ME1: variants seen among roughly 807,000 people sequenced by gnomAD.
The protein encoded by ME1 is malic enzyme 1, also known as NADP-dependent malic enzyme.
Under a neutral mutation model 66.4 loss-of-function variants are expected in ME1, and 74 were observed. The ratio of observed to expected loss-of-function variants is 1.11; its 90% CI spans 0.92 to 1.35. The LOEUF (loss-of-function observed/expected upper bound fraction) is 1.35, where lower values mean the gene tolerates loss of function less well. Ranked by LOEUF, ME1 falls within the 40% of genes most tolerant of loss-of-function variation. The pLI is 0.00. For missense variants in ME1, 750 were observed against 694.1 expected (o/e 1.08, Z -0.90); for synonymous variants, 251 against 235.6 (o/e 1.07, Z -0.60).
In ME1 at chr6:83,211,787, C is replaced by T; in HGVS notation, c.*137G>A. On this transcript the variant is annotated 3_prime_UTR_variant, in exon 14 of 14. Transcript: ENST00000369705. ...GTTTATCCCAATTTATATCGATATT[C>T]TTCTATCAATTTTTAGACTGTTAAA... 2 of 558,118 alleles carry T rather than the reference C, an allele frequency of 3.6e-6. No homozygotes were observed. The highest frequency in any genetic ancestry group is 5.6e-6 in the Non-Finnish European group (2 of 354,884). The allele number at this position is 558,118 out of a possible 1,614,324, so 34.6% of individuals were successfully genotyped here.
intron 1 of ME1, among the ~76,000 whole-genome samples, chr6:83,420,399 G>T (rs1002715088): frequency 1.7e-4 from 26 of 152,148 alleles, no homozygotes; most frequent in Admixed American, 1.4e-3. Flanking sequence ...TACATACTCA[G>T]TTAGGACCAT....
At chr6:83,246,859 CATT>C (rs1452789979) in intron 7 of ME1, among the ~76,000 whole-genome samples, 18 of 152,052 alleles carry the variant, frequency 1.2e-4, no homozygotes, top group Non-Finnish European at 2.2e-4. Context: ...CTAAAAGCAT[CATT>C]AACAGTTGGG....
intron 3 of ME1, among the ~76,000 whole-genome samples, chr6:83,389,896 G>A (rs184819075): frequency 3.4e-4 from 52 of 152,086 alleles, no homozygotes; most frequent in African/African-American, 1.2e-3. Context: ...AATTCTGCAA[G>A]AATTAAAATG....
chr6:83,310,905 C>T (rs909419612), intron 6 of ME1, among the ~76,000 whole-genome samples: 1 of 152,132 alleles, frequency 6.6e-6, no homozygotes, highest in Non-Finnish European at 1.5e-5. Context: ...AGCTCCCAAA[C>T]TCAAGGAAAG....
At chr6:83,274,247 G>C (rs967151906) in intron 6 of ME1, among the ~76,000 whole-genome samples, 2 of 152,078 alleles carry the variant, frequency 1.3e-5, no homozygotes, top group Non-Finnish European at 2.9e-5. Flanking sequence ...CATGTATCTT[G>C]GGTCATGATA....
At chr6:83,384,860 A>G (rs896732899) in intron 3 of ME1, among the ~76,000 whole-genome samples, 1 of 151,938 alleles carries the variant, frequency 6.6e-6, no homozygotes, top group Non-Finnish European at 1.5e-5. Flanking sequence ...CAGTTATCCT[A>G]GCACCATTTA....
intron 6 of ME1, among the ~76,000 whole-genome samples, chr6:83,274,424 C>G (rs75216709): frequency 0.01 from 1,583 of 152,124 alleles, 27 homozygotes; most frequent in African/African-American, 0.035. Context: ...TCTCTTTATG[C>G]AAACACATAA....
chr6:83,394,791 ATG>A (rs1348488166), intron 3 of ME1, among the ~76,000 whole-genome samples: 1 of 152,178 alleles, frequency 6.6e-6, no homozygotes, highest in Non-Finnish European at 1.5e-5. Context: ...AAGTATTAAT[ATG>A]TATTTATTTC....
intron 10 of ME1, among the ~76,000 whole-genome samples, chr6:83,227,938 C>T (rs1219710885): frequency 6.6e-6 from 1 of 152,056 alleles, no homozygotes; most frequent in East Asian, 1.9e-4. Flanking sequence ...AAGAATAAAG[C>T]AATTAGCATA....
intron 9 of ME1, among the ~76,000 whole-genome samples, chr6:83,235,331 T>G (rs1290050003): frequency 5.9e-5 from 9 of 152,178 alleles, no homozygotes; most frequent in Admixed American, 4.6e-4. Flanking sequence ...AGGGCTTTAT[T>G]GAATCCCCAG....
At chr6:83,364,737 CATCT>C (rs67402469) in intron 3 of ME1, among the ~76,000 whole-genome samples, 11,769 of 151,994 alleles carry the variant, frequency 0.077, 813 homozygotes, top group African/African-American at 0.18. Context: ...ATCTATCTGT[CATCT>C]ATCTATCTAT....
intron 3 of ME1, among the ~76,000 whole-genome samples, chr6:83,387,216 C>T (rs1049759559): frequency 2.0e-5 from 3 of 151,734 alleles, no homozygotes; most frequent in African/African-American, 7.3e-5. Context: ...TGAAAAAAGC[C>T]AGGTAGATTT....
chr6:83,286,828 T>C (rs1767405867), intron 6 of ME1, among the ~76,000 whole-genome samples: 1 of 152,166 alleles, frequency 6.6e-6, no homozygotes. Flanking sequence ...CACAGTACTC[T>C]ATGACTATAA....
intron 9 of ME1, among the ~76,000 whole-genome samples, chr6:83,234,382 G>A (rs1790358100): frequency 6.6e-6 from 1 of 151,984 alleles, no homozygotes; most frequent in Non-Finnish European, 1.5e-5. Flanking sequence ...TATCAGTCCC[G>A]TATCTCCAAC....
intron 3 of ME1, among the ~76,000 whole-genome samples, chr6:83,357,935 C>CTATATATATATATATA (rs60624497): frequency 1.7e-4 from 5 of 30,030 alleles, no homozygotes; most frequent in South Asian, 1.7e-3. Context: ...CTCTCTCTCT[C>CTATATATATATATATA]TATATATATA....
rs183233836 is a variant in ME1, at chr6:83,329,416, T to C, written c.601-14003A>G. ...GTCAATAGACAAACATCTGTACTGG[T>C]ACTCTGCTCTCCTAGAATGTATGAA... On this transcript the variant is annotated intron_variant, in intron 5 of 13. Transcript: ENST00000369705. Among the ~76,000 whole-genome samples the C allele has an allele frequency of 2.1e-3, 316 of 152,302 alleles. 2 individuals carry two copies. Among genetic ancestry groups the C allele is most frequent in the Non-Finnish European group, 3.4e-3 (229 of 68,014 alleles).
At chr6:83,232,176 T>C (rs1031539815) in intron 9 of ME1, among the ~76,000 whole-genome samples, 5 of 152,194 alleles carry the variant, frequency 3.3e-5, no homozygotes, top group African/African-American at 9.6e-5. Context: ...CAAGCCCCAG[T>C]TGGACTACCT....
intron 2 of ME1, among the ~76,000 whole-genome samples, chr6:83,407,525 G>A (rs1006298415): frequency 5.9e-5 from 9 of 152,138 alleles, no homozygotes; most frequent in African/African-American, 2.2e-4. Context: ...ATTTGCTTTT[G>A]CAGTATCATA....
At chr6:83,427,734 G>A (rs1170586106) in intron 1 of ME1, among the ~76,000 whole-genome samples, 2 of 152,224 alleles carry the variant, frequency 1.3e-5, no homozygotes, top group South Asian at 2.1e-4. Context: ...ACTTATGGCC[G>A]GGTGCAGTAG....
Sources: gnomAD v4.1 joint callset for allele counts (sites outside exome capture counted in the v4.1 genomes callset) on GRCh38, gnomAD v4.1.1 for gene constraint, MANE v1.5 for transcripts, NCBI Gene and HGNC (gene_info 2026-07-23, HGNC 2026-07-21) for gene names.